Variants in SLC44A5 observed in about 807,000 individuals in gnomAD.
SLC44A5 encodes solute carrier family 44 member 5, also known as choline transporter-like protein 5.
Under a neutral mutation model 101.8 loss-of-function variants are expected in SLC44A5, and 57 were observed. The ratio of observed to expected loss-of-function variants is 0.56; its 90% confidence interval spans 0.45 to 0.70. The LOEUF (loss-of-function observed/expected upper bound fraction) is 0.70, where lower values mean the gene tolerates loss of function less well. Among genes scored for constraint, SLC44A5 ranks in the 30% least tolerant of loss-of-function variants. The probability of loss-of-function intolerance (pLI) is 0.00; values close to 1 mark genes in which losing one functional copy is unlikely to be tolerated. For missense variants in SLC44A5, 737 were observed against 853.1 expected (o/e 0.86, Z 1.70); for synonymous variants, 281 against 290.9 (o/e 0.97, Z 0.35).
chr1:75,567,483 A>T (rs1672849320), intron 1 of SLC44A5, among the ~76,000 whole-genome samples: 1 of 152,218 alleles, frequency 6.6e-6, no homozygotes, highest in South Asian at 2.1e-4. Context: ...GCTTCAGAGT[A>T]ATTGCTAATT....
intron 14 of SLC44A5, among the ~76,000 whole-genome samples, chr1:75,220,918 AT>A (rs1345328014): frequency 6.6e-6 from 1 of 152,144 alleles, no homozygotes; most frequent in African/African-American, 2.4e-5. Context: ...TCTCACACCT[AT>A]TTATTTCAGT....
At chr1:75,386,463 CT>C (rs1340163851) in intron 3 of SLC44A5, among the ~76,000 whole-genome samples, 1 of 152,092 alleles carries the variant, frequency 6.6e-6, no homozygotes, top group African/African-American at 2.4e-5. Context: ...TTCACAATTG[CT>C]TCAAAGAGAA....
intron 1 of SLC44A5, among the ~76,000 whole-genome samples, chr1:75,599,969 C>T (rs1011119995): frequency 6.6e-6 from 1 of 152,100 alleles, no homozygotes; most frequent in Non-Finnish European, 1.5e-5. Flanking sequence ...CCAGATTTGT[C>T]TTTCAGGAGT....
At chr1:75,690,869 A>G in the SLC44A5 span, among the ~76,000 whole-genome samples, 138,480 of 152,168 alleles carry the variant, frequency 0.91, 63,220 homozygotes, top group Middle Eastern at 0.95. Flanking sequence ...GGCTCATGCC[A>G]GTAATCCCAG....
intron 6 of SLC44A5, among the ~76,000 whole-genome samples, chr1:75,264,764 G>A (rs1308932594): frequency 3.3e-5 from 5 of 151,138 alleles, no homozygotes; most frequent in Non-Finnish European, 5.9e-5. Flanking sequence ...ATTAGTAGAA[G>A]TAAATAAATA....
chr1:75,586,540 A>ATT (rs59339576), intron 1 of SLC44A5, among the ~76,000 whole-genome samples: 1 of 148,940 alleles, frequency 6.7e-6, no homozygotes, highest in African/African-American at 2.5e-5. Context: ...CTGGAGTTTG[A>ATT]TTTTTTTTTT....
chr1:75,678,028 C>A, the SLC44A5 span, among the ~76,000 whole-genome samples: 1 of 152,210 alleles, frequency 6.6e-6, no homozygotes, highest in Non-Finnish European at 1.5e-5. Flanking sequence ...TTGGGTCACT[C>A]CCACCCAAAT....
At chr1:75,523,302 T>C (rs1570518732) in intron 2 of SLC44A5, among the ~76,000 whole-genome samples, 2 of 152,274 alleles carry the variant, frequency 1.3e-5, no homozygotes, top group East Asian at 3.9e-4. Context: ...GTCACTTTTG[T>C]TCATATAATC....
At chr1:75,303,753 A>T (rs764573361) in intron 4 of SLC44A5, among the ~76,000 whole-genome samples, 1 of 152,066 alleles carries the variant, frequency 6.6e-6, no homozygotes, top group Non-Finnish European at 1.5e-5. Context: ...AATAATTCAC[A>T]CCTTAAGGTG....
At chr1:75,410,398 TA>T (rs913362445) in intron 2 of SLC44A5, among the ~76,000 whole-genome samples, 61 of 148,676 alleles carry the variant, frequency 4.1e-4, no homozygotes, top group African/African-American at 7.9e-4. Context: ...TCATTTGTGA[TA>T]AAAAAAAAAT....
rs535050183 is a variant in SLC44A5 at position 75,504,943 on chromosome 1, T to C, written c.13+36492A>G. ...GTTTGCGTTATGAATGATCCCATCATCCAAATAGTGAGCACAGTACCCAAT... is the reference window on the plus strand; with the variant it reads ...GTTTGCGTTATGAATGATCCCATCACCCAAATAGTGAGCACAGTACCCAAT... On this transcript the variant is annotated intron_variant, in intron 2 of 23. Transcript: ENST00000370859. Among the ~76,000 whole-genome samples the C allele has an allele frequency of 3.9e-5, 6 of 152,242 alleles. No homozygotes were observed. In the South Asian group the frequency reaches 8.3e-4, roughly 21 times the overall value.
chr1:75,566,303 ATTT>A (rs1672783381), intron 1 of SLC44A5, among the ~76,000 whole-genome samples: 2 of 152,242 alleles, frequency 1.3e-5, no homozygotes, highest in Admixed American at 1.3e-4. Flanking sequence ...TTTAGAAATC[ATTT>A]TGATAGAATG....
intron 2 of SLC44A5, among the ~76,000 whole-genome samples, chr1:75,470,885 C>A (rs1667070772): frequency 6.6e-6 from 1 of 152,160 alleles, no homozygotes. Context: ...CAATGGATAG[C>A]TACCAGAGGC....
intron 2 of SLC44A5, among the ~76,000 whole-genome samples, chr1:75,416,544 G>A (rs1479943578): frequency 2.0e-5 from 3 of 152,212 alleles, no homozygotes; most frequent in Non-Finnish European, 4.4e-5. Flanking sequence ...ACCTAGCGGA[G>A]CTGTGAGAAG....
At chr1:75,659,360 GAAGGAAAGAAAGAAAGAAA>G in the SLC44A5 span, among the ~76,000 whole-genome samples, 13 of 141,188 alleles carry the variant, frequency 9.2e-5, no homozygotes, top group Admixed American at 2.1e-4. Flanking sequence ...AAGAAAGAAA[GAAGGAAAGAAAGAAAGAAA>G]AAGGAAAGAA....
intron 4 of SLC44A5, among the ~76,000 whole-genome samples, chr1:75,332,816 A>T: frequency 6.6e-6 from 1 of 152,224 alleles, no homozygotes; most frequent in East Asian, 1.9e-4. Context: ...GACCTTAGTG[A>T]TAGCATATAA....
At chr1:75,498,991 T>A (rs1179131572) in intron 2 of SLC44A5, among the ~76,000 whole-genome samples, 1 of 152,210 alleles carries the variant, frequency 6.6e-6, no homozygotes, top group Non-Finnish European at 1.5e-5. Context: ...ACCATATTTT[T>A]ACTGTGCCTT....
the SLC44A5 span, among the ~76,000 whole-genome samples, chr1:75,652,346 CGCTTCT>C: frequency 7.9e-5 from 12 of 152,300 alleles, no homozygotes; most frequent in African/African-American, 2.6e-4. Context: ...CATAAACTTT[CGCTTCT>C]GCTCTAAAAC....
intron 2 of SLC44A5, among the ~76,000 whole-genome samples, chr1:75,537,033 A>AAAAAATATATAT (rs35829590): frequency 1.4e-4 from 6 of 43,026 alleles, no homozygotes; most frequent in East Asian, 8.5e-4. Context: ...AAAAAAAAAA[A>AAAAAATATATAT]ATATATATCT....
Sources: allele counts gnomAD v4.1 joint callset (sites outside exome capture counted in the v4.1 genomes callset), GRCh38; gene constraint gnomAD v4.1.1; transcripts MANE v1.5; gene names NCBI Gene and HGNC (gene_info 2026-07-23, HGNC 2026-07-21).